KIAA0319L: variants seen among roughly 807,000 people sequenced by gnomAD.
KIAA0319L encodes the protein dyslexia-associated protein KIAA0319-like protein.
Under a neutral mutation model 120.1 loss-of-function variants are expected in KIAA0319L, and 55 were observed. The ratio of observed to expected loss-of-function variants is 0.46; its 90% CI spans 0.37 to 0.57. The LOEUF (loss-of-function observed/expected upper bound fraction) is 0.57. Among genes scored for constraint, KIAA0319L ranks in the 20% least tolerant of loss-of-function variants. KIAA0319L has a pLI of 0.00. For missense variants in KIAA0319L, 1,049 were observed against 1,255.3 expected (o/e 0.84, Z 2.48); for synonymous variants, 398 against 471.9 (o/e 0.84, Z 2.03).
intron 2 of KIAA0319L, among the ~76,000 whole-genome samples, chr1:35,541,627 G>C (rs1258191345): frequency 6.6e-6 from 1 of 152,058 alleles, no homozygotes; most frequent in Non-Finnish European, 1.5e-5. Flanking sequence ...TGGGATTATA[G>C]GTGTGAGCCA....
At chr1:35,510,130 T>G (rs1645369399) in intron 2 of KIAA0319L, 1 of 152,226 alleles carries the variant, frequency 6.6e-6, no homozygotes, top group Admixed American at 6.5e-5. Flanking sequence ...CTTCCTCTTT[T>G]AGCCACCAGA....
intron 2 of KIAA0319L, among the ~76,000 whole-genome samples, chr1:35,525,001 CCTACAA>C (rs1381011655): frequency 2.6e-5 from 4 of 152,092 alleles, no homozygotes; most frequent in Admixed American, 2.0e-4. Context: ...CCCTACATGC[CCTACAA>C]CTACATCCTT....
In KIAA0319L at chr1:35,441,123, G is replaced by A. The variant is rs759869733; in HGVS notation, c.2886C>T (p.Pro962=). Residue 962 remains proline, a synonymous_variant, in exon 20 of 21, where the codon CCC becomes CCT. Transcript: ENST00000325722. ...GGATCTTGTACTTGCTTTTCCTCTT[G>A]GGTTTTCCTTTTTGCCTAAAAAACA... ...ICCCKRQKGK[P]KRKSKYKILD... The A allele has an allele frequency of 1.2e-6, 2 of 1,614,104 alleles. No individual in the cohort carries two copies. Among genetic ancestry groups the A allele is most frequent in the South Asian group, 2.2e-5 (2 of 91,082 alleles).
intron 3 of KIAA0319L, among the ~76,000 whole-genome samples, chr1:35,480,992 T>C (rs746047116): frequency 2.0e-5 from 3 of 152,218 alleles, no homozygotes; most frequent in Non-Finnish European, 4.4e-5. Flanking sequence ...ACTGATTTGT[T>C]TGCTATCAAA....
chr1:35,488,222 CATTT>C (rs753594065), intron 3 of KIAA0319L, among the ~76,000 whole-genome samples: 3 of 152,166 alleles, frequency 2.0e-5, no homozygotes, highest in Non-Finnish European at 2.9e-5. Flanking sequence ...TCTTTTAATA[CATTT>C]GTTTACAGAT....
intron 10 of KIAA0319L, chr1:35,454,728 A>G (rs1193413308): frequency 2.2e-6 from 2 of 920,464 alleles, no homozygotes; most frequent in African/African-American, 3.3e-5. Context: ...ATAAAGCCAG[A>G]ACTCTCATAA....
At chr1:35,485,272 T>C (rs1273460109) in intron 3 of KIAA0319L, among the ~76,000 whole-genome samples, 7 of 152,208 alleles carry the variant, frequency 4.6e-5, no homozygotes, top group Non-Finnish European at 1.0e-4. Context: ...TCCCATAGTA[T>C]GTTGTGACTG....
In KIAA0319L at chr1:35,557,304, CCGGAGG is replaced by C; in HGVS notation, c.-132_-127del. 1 of 216,800 alleles carries C rather than the reference CCGGAGG, an allele frequency of 4.6e-6. No homozygotes were observed. The highest frequency in any genetic ancestry group is 3.9e-5 in the South Asian group (1 of 25,558). 13.4% of individuals were successfully genotyped at this position (216,800 alleles called of 1,614,324 possible). A position where few individuals can be genotyped will look rare whatever the true frequency, so the allele number is the denominator to read the frequency against. ...GACCCCCAACCTTCGCTCCCCTCAC[CCGGAGG>C]AGGAGGAGGAAGAGGAAGAAGGTAG... On this transcript the variant is annotated 5_prime_UTR_variant, in exon 1 of 21. Transcript: ENST00000325722.
intron 3 of KIAA0319L, among the ~76,000 whole-genome samples, chr1:35,491,421 C>T (rs1007792463): frequency 6.6e-6 from 1 of 152,006 alleles, no homozygotes; most frequent in Non-Finnish European, 1.5e-5. Flanking sequence ...TCGCTTAAAA[C>T]AGTGGTAAGG....
At chr1:35,526,033 T>C (rs995134382) in intron 2 of KIAA0319L, among the ~76,000 whole-genome samples, 2 of 152,052 alleles carry the variant, frequency 1.3e-5, no homozygotes, top group Non-Finnish European at 2.9e-5. Context: ...ACAGGGGCTC[T>C]AGTTTCATTC....
intron 2 of KIAA0319L, among the ~76,000 whole-genome samples, chr1:35,538,590 CAAAAAAAA>C (rs757522421): frequency 3.1e-5 from 1 of 31,916 alleles, no homozygotes; most frequent in Non-Finnish European, 8.3e-5. Context: ...AACTCTGTCT[CAAAAAAAA>C]AAAAAAAAAA....
chr1:35,473,273 T>A (rs566264610), intron 5 of KIAA0319L, among the ~76,000 whole-genome samples: 1 of 144,230 alleles, frequency 6.9e-6, no homozygotes, highest in Non-Finnish European at 1.5e-5. Context: ...TTTTTTTGTA[T>A]TTTTGGTAGA....
At chr1:35,454,677 C>G (rs1287482619) in intron 10 of KIAA0319L, 192 bp from the exon 11 acceptor site, 11 of 1,360,082 alleles carry the variant, frequency 8.1e-6, no homozygotes, top group East Asian at 5.3e-5. Context: ...GGGTTTCCCC[C>G]TTCAAGGAAA....
intron 3 of KIAA0319L, among the ~76,000 whole-genome samples, chr1:35,499,275 C>G (rs1368958743): frequency 1.5e-5 from 2 of 137,912 alleles, no homozygotes; most frequent in Non-Finnish European, 3.0e-5. Flanking sequence ...ATCTAGCTAA[C>G]CCCCAAAGTG....
intron 3 of KIAA0319L, among the ~76,000 whole-genome samples, chr1:35,498,545 A>T (rs1644893949): frequency 1.3e-5 from 2 of 152,128 alleles, no homozygotes; most frequent in South Asian, 4.1e-4. Flanking sequence ...CATCTCTCCA[A>T]TTCTCTTCTC....
At chr1:35,532,806 G>GCTTTCC in intron 2 of KIAA0319L, among the ~76,000 whole-genome samples, 1 of 152,218 alleles carries the variant, frequency 6.6e-6, no homozygotes, top group East Asian at 1.9e-4. Flanking sequence ...AGTCTGGAAT[G>GCTTTCC]CACTGTTGGT....
At chr1:35,552,229 C>A (rs1438043500) in intron 2 of KIAA0319L, among the ~76,000 whole-genome samples, 1 of 152,110 alleles carries the variant, frequency 6.6e-6, no homozygotes, top group Non-Finnish European at 1.5e-5. Flanking sequence ...GTAGTCCCAC[C>A]TATTCGGGAG....
chr1:35,449,782 A>T, intron 15 of KIAA0319L, 85 bp downstream of exon 15: 1 of 1,478,044 alleles, frequency 6.8e-7, no homozygotes. Context: ...GGCTCTGTCC[A>T]TGCTCGGGGA....
intron 2 of KIAA0319L, among the ~76,000 whole-genome samples, chr1:35,522,236 A>G (rs918106546): frequency 6.6e-6 from 1 of 152,130 alleles, no homozygotes; most frequent in African/African-American, 2.4e-5. Context: ...AGATGAAAGT[A>G]GGAGACTTAT....
Sources: allele counts gnomAD v4.1 joint callset (sites outside exome capture counted in the v4.1 genomes callset), GRCh38; gene constraint gnomAD v4.1.1; transcripts MANE v1.5; gene names NCBI Gene and HGNC (gene_info 2026-07-23, HGNC 2026-07-21).